SLX4IP: variants seen among roughly 807,000 people sequenced by gnomAD.
SLX4IP encodes SLX4 interacting protein, also known as protein SLX4IP.
Under a neutral mutation model 32.9 loss-of-function variants are expected in SLX4IP, and 34 were observed. That is an observed-to-expected ratio of 1.03 (90% CI 0.79 to 1.38). The LOEUF is 1.38. Among genes scored for constraint, SLX4IP ranks in the 40% most tolerant of loss-of-function variants. SLX4IP has a pLI of 0.00. For missense variants in SLX4IP, 444 were observed against 479.0 expected (o/e 0.93, Z 0.68); for synonymous variants, 172 against 171.7 (o/e 1.00, Z -0.01).
intron 2 of SLX4IP, among the ~76,000 whole-genome samples, chr20:10,550,503 C>T (rs1488993868): frequency 1.3e-5 from 2 of 152,124 alleles, no homozygotes; most frequent in East Asian, 1.9e-4. Context: ...CCCTTCACCT[C>T]GAGATCACCT....
chr20:10,463,871 T>C (rs932136400), intron 2 of SLX4IP, among the ~76,000 whole-genome samples: 9 of 152,156 alleles, frequency 5.9e-5, no homozygotes, highest in African/African-American at 1.9e-4. Flanking sequence ...GGCCTTGAAC[T>C]CCTAGGCTCA....
chr20:10,557,809 AG>A (rs2066283321), intron 3 of SLX4IP, among the ~76,000 whole-genome samples: 1 of 152,202 alleles, frequency 6.6e-6, no homozygotes, highest in African/African-American at 2.4e-5. Context: ...ATCACCTCAT[AG>A]CCAAAGCGTG....
intron 1 of SLX4IP, among the ~76,000 whole-genome samples, chr20:10,449,283 G>A (rs2065224100): frequency 6.6e-6 from 1 of 152,202 alleles, no homozygotes. Context: ...GCCATATTAT[G>A]TAGCATAGTG....
chr20:10,564,319 A>G (rs560131318), intron 4 of SLX4IP, among the ~76,000 whole-genome samples: 1 of 152,336 alleles, frequency 6.6e-6, no homozygotes, highest in South Asian at 2.1e-4. Context: ...CCAAAAAGCC[A>G]TGCCTATTTC....
At chr20:10,526,720 G>A (rs1368372988) in intron 2 of SLX4IP, among the ~76,000 whole-genome samples, 1 of 152,190 alleles carries the variant, frequency 6.6e-6, no homozygotes, top group Non-Finnish European at 1.5e-5. Flanking sequence ...GGAGGCTGAG[G>A]TGGGTGGATC....
At chr20:10,541,025 G>T (rs574708679) in intron 2 of SLX4IP, among the ~76,000 whole-genome samples, 54 of 152,276 alleles carry the variant, frequency 3.5e-4, no homozygotes, top group African/African-American at 1.3e-3. Context: ...AAAGTTTAAG[G>T]TTCATTCTCA....
At chr20:10,512,737 T>A (rs1032333750) in intron 2 of SLX4IP, among the ~76,000 whole-genome samples, 2,610 of 137,168 alleles carry the variant, frequency 0.019, 52 homozygotes, top group Admixed American at 0.058. Flanking sequence ...GTATATGTAT[T>A]GTGTATATAT....
At chr20:10,436,650 C>A (rs1600869514) in intron 1 of SLX4IP, among the ~76,000 whole-genome samples, 1 of 152,184 alleles carries the variant, frequency 6.6e-6, no homozygotes, top group South Asian at 2.1e-4. Context: ...ACATCACGCC[C>A]GGCCTGGCCC....
At chr20:10,584,454 G>A (rs972030699) in intron 4 of SLX4IP, among the ~76,000 whole-genome samples, 1 of 152,178 alleles carries the variant, frequency 6.6e-6, no homozygotes, top group Admixed American at 6.5e-5. Context: ...ACTCTGCAAA[G>A]CACTACCATT....
In SLX4IP at chr20:10,566,300, T is replaced by C. The variant is rs1014566530; in HGVS notation, c.238+5480T>C. The stretch of plus-strand genomic sequence containing the variant: ...CTGATTACATTTTTTTTTTTTTTTT[T>C]TTTTTTTTTTTGTCTATATACCTCT... On this transcript the variant is annotated intron_variant, in intron 4 of 7. Transcript: ENST00000334534. 5.5e-4 allele frequency among the ~76,000 whole-genome samples: 75 copies of C among 136,250 alleles called. 1 individual carries two copies. The highest frequency in any genetic ancestry group is 1.8e-3 in the African/African-American group (69 of 38,610). The allele number at this position is 136,250 out of a possible 152,430, so 89.4% of individuals were successfully genotyped here. A position where few individuals can be genotyped will look rare whatever the true frequency, so the allele number is the denominator to read the frequency against.
chr20:10,557,243 GC>G (rs1054528568), intron 3 of SLX4IP, among the ~76,000 whole-genome samples: 81 of 152,188 alleles, frequency 5.3e-4, no homozygotes, highest in African/African-American at 1.7e-3. Context: ...CTTTTAATTA[GC>G]TTTTGGAGCT....
At chr20:10,481,735 G>C (rs1442271748) in intron 2 of SLX4IP, among the ~76,000 whole-genome samples, 1 of 152,158 alleles carries the variant, frequency 6.6e-6, no homozygotes, top group Non-Finnish European at 1.5e-5. Flanking sequence ...TTATGGCTTA[G>C]ACATACAGGC....
At chr20:10,491,443 G>T (rs2065623202) in intron 2 of SLX4IP, among the ~76,000 whole-genome samples, 1 of 152,100 alleles carries the variant, frequency 6.6e-6, no homozygotes, top group Non-Finnish European at 1.5e-5. Flanking sequence ...CCATGAACCA[G>T]TGTGGAGAAG....
At chr20:10,529,510 G>C (rs925397420) in intron 2 of SLX4IP, among the ~76,000 whole-genome samples, 1 of 135,028 alleles carries the variant, frequency 7.4e-6, no homozygotes, top group Non-Finnish European at 1.5e-5. Context: ...AGAATTGCTT[G>C]AACCCAGGAG....
chr20:10,455,408 A>C (rs1273124275), intron 1 of SLX4IP, among the ~76,000 whole-genome samples: 1 of 152,020 alleles, frequency 6.6e-6, no homozygotes, highest in East Asian at 1.9e-4. Context: ...ATATAGTGTG[A>C]TGTAGCAGTC....
intron 2 of SLX4IP, among the ~76,000 whole-genome samples, chr20:10,482,352 T>C (rs2065530416): frequency 6.6e-6 from 1 of 152,218 alleles, no homozygotes; most frequent in Non-Finnish European, 1.5e-5. Flanking sequence ...AATCGTGGTC[T>C]TATGCGGCTC....
chr20:10,510,146 AT>A (rs2122428096), intron 2 of SLX4IP, among the ~76,000 whole-genome samples: 1 of 152,322 alleles, frequency 6.6e-6, no homozygotes, highest in South Asian at 2.1e-4. Flanking sequence ...TAACAATATA[AT>A]TTTAAATTTT....
intron 1 of SLX4IP, among the ~76,000 whole-genome samples, chr20:10,451,208 T>C (rs566828888): frequency 6.6e-6 from 1 of 152,178 alleles, no homozygotes; most frequent in South Asian, 2.1e-4. Flanking sequence ...TCACCCAGGC[T>C]GGAGTGCAGT....
intron 2 of SLX4IP, among the ~76,000 whole-genome samples, chr20:10,519,986 GT>G (rs1336649430): frequency 2.0e-5 from 3 of 152,184 alleles, no homozygotes; most frequent in African/African-American, 4.8e-5. Flanking sequence ...ATCTTTTCAT[GT>G]GCTTATTGAC....
Sources: allele counts gnomAD v4.1 joint callset (sites outside exome capture counted in the v4.1 genomes callset), GRCh38; gene constraint gnomAD v4.1.1; transcripts MANE v1.5; gene names NCBI Gene and HGNC (gene_info 2026-07-23, HGNC 2026-07-21).